SH2B1: variants seen among roughly 807,000 people sequenced by gnomAD.
SH2B1 encodes SH2B adapter protein 1.
A neutral mutation model predicts 62.6 loss-of-function variants in SH2B1; 15 were observed. The observed-to-expected ratio is 0.24, with a 90% CI of 0.16 to 0.37. The LOEUF (loss-of-function observed/expected upper bound fraction) is 0.37, where lower values mean the gene tolerates loss of function less well. Among genes scored for constraint, SH2B1 ranks in the 10% least tolerant of loss-of-function variants. The pLI is 1.00. For synonymous variants in SH2B1, 443 were observed against 438.0 expected (o/e 1.01, Z -0.14); for missense variants, 925 against 1,015.6 (o/e 0.91, Z 1.21).
rs918831421 is a variant in SH2B1, at chr16:28,864,057, G to A, written c.-2038G>A. 7.3e-7 allele frequency: 1 copy of A among 1,366,676 alleles called. No homozygotes were observed. Among genetic ancestry groups the A allele is most frequent in the African/African-American group, 1.5e-5 (1 of 67,514 alleles). The allele number at this position is 1,366,676 out of a possible 1,614,324, so 84.7% of individuals were successfully genotyped here. A position where few individuals can be genotyped will look rare whatever the true frequency, so the allele number is the denominator to read the frequency against. ...GGGTGGGCGTGGAGGGCCGGGGGCTGGAGAGGCACTCGGCCCCGGAGAGTG... is the reference window on the plus strand; with the variant it reads ...GGGTGGGCGTGGAGGGCCGGGGGCTAGAGAGGCACTCGGCCCCGGAGAGTG... On this transcript the variant is annotated 5_prime_UTR_variant, in exon 1 of 8. Transcript: ENST00000684370.
rs1962554972 is a variant in SH2B1, at chr16:28,864,139, G to A, written c.-1956G>A. ...GGCCCCGGAAAATGGGCGGCTGGGG[G>A]GTGTCCAGGGAGTAGGGTCGGATCG... On this transcript the variant is annotated 5_prime_UTR_variant, in exon 1 of 8. Transcript: ENST00000684370. The A allele has an allele frequency of 1.7e-6, 2 of 1,189,780 alleles. No homozygotes were observed. Among genetic ancestry groups the A allele is most frequent in the Admixed American group, 8.2e-5 (2 of 24,370 alleles). The allele number at this position is 1,189,780 out of a possible 1,614,324, so 73.7% of individuals were successfully genotyped here.
chr16:28,857,280 C>CA (rs35671502), intron 1 of SH2B1, among the ~76,000 whole-genome samples: 135 of 108,454 alleles, frequency 1.2e-3, no homozygotes, highest in Admixed American at 2.4e-3. Context: ...GACTCTGTCT[C>CA]AAAAAAAAAA....
chr16:28,852,223 T>A (rs113521560), intron 1 of SH2B1, among the ~76,000 whole-genome samples: 1 of 91,594 alleles, frequency 1.1e-5, no homozygotes, highest in Non-Finnish European at 2.1e-5. Context: ...TATATTTACA[T>A]ATATATTTAC....
At chr16:28,867,842 C>G (rs1325020574) in intron 2 of SH2B1, among the ~76,000 whole-genome samples, 1 of 152,156 alleles carries the variant, frequency 6.6e-6, no homozygotes, top group Non-Finnish European at 1.5e-5. Context: ...TACTTACTTA[C>G]ATTTGAGATA....
In SH2B1 at chr16:28,866,230, C is replaced by T. The variant is rs1458396328; in HGVS notation, c.136C>T (p.Arg46Cys). 4 of 1,608,162 alleles carry T rather than the reference C, an allele frequency of 2.5e-6. No homozygotes were observed. The highest frequency in any genetic ancestry group is 3.4e-6 in the Non-Finnish European group (4 of 1,178,164). The change falls in exon 1 of 8, where the codon CGC (arginine) becomes TGC (cysteine). Residue 46 changes from arginine to cysteine, a missense_variant. By Grantham distance (180) the Arg-to-Cys change is radical. Transcript: ENST00000684370. The surrounding 1 kb of genome is among the most constrained non-coding windows in gnomAD (Gnocchi z 6.3). Reference sequence around the variant, plus strand: ...GGCTCTGGACTTTGCCCGCCGTTTTCGCCTCTACCTGGCCTCCCACCCCCA... The same window carrying T: ...GGCTCTGGACTTTGCCCGCCGTTTTTGCCTCTACCTGGCCTCCCACCCCCA... The part of the protein sequence containing the change: ...AAALDFARRF[R>C]LYLASHPQYA...
rs779537768 is a variant in SH2B1, at chr16:28,866,534, C to G, written c.440C>G (p.Pro147Arg). The G allele has an allele frequency of 3.1e-6, 5 of 1,614,060 alleles. No homozygotes were observed. Among genetic ancestry groups the G allele is most frequent in the Non-Finnish European group, 4.2e-6 (5 of 1,180,030 alleles). The part of the protein sequence containing the change: ...VSSSSTTSSK[P>R]KLKKRFSLRS... ...TCCTCCTCTACAACCTCCTCCAAGC[C>G]GAAGCTCAAGAAGCGCTTTTCCCTG... The change falls in exon 1 of 8, where the codon CCG becomes CGG. Residue 147 changes from proline (P) to arginine (R), a missense_variant. Physicochemically the swap from Pro to Arg is moderately radical, Grantham distance 103 (BLOSUM62 -2). Around this residue, in one of 3 missense-constraint regions of SH2B1, gnomAD observed 683 missense variants for 704.0 expected, o/e 0.97. Transcript: ENST00000684370. The surrounding 1 kb of genome is among the most constrained non-coding windows in gnomAD (Gnocchi z 6.3).
intron 1 of SH2B1, among the ~76,000 whole-genome samples, chr16:28,853,425 G>C (rs377254317): frequency 6.7e-6 from 1 of 149,582 alleles, no homozygotes; most frequent in South Asian, 2.1e-4. Context: ...GGCTGGTCTC[G>C]AACTCCTGAC....
In SH2B1 at chr16:28,872,652, G is replaced by A; in HGVS notation, c.1844G>A (p.Gly615Asp). 1 of 1,614,148 alleles carries A rather than the reference G, an allele frequency of 6.2e-7. No individual in the cohort carries two copies. Among genetic ancestry groups the A allele is most frequent in the Non-Finnish European group, 8.5e-7 (1 of 1,179,990 alleles). ...RVHPIPLESG[G>D]SSDVVLVSYV... ...CACCCCATCCCTTTGGAGTCGGGAGGCTCCAGTGATGTTGTCCTTGTCAGC... is the reference window on the plus strand; with the variant it reads ...CACCCCATCCCTTTGGAGTCGGGAGACTCCAGTGATGTTGTCCTTGTCAGC... Residue 615 changes from glycine (G) to aspartate (D), a missense_variant, in exon 7 of 8, where the codon GGC becomes GAC. By Grantham distance (94) the Gly-to-Asp change is moderately conservative. This residue lies in a region of SH2B1 where 185 missense variants were observed against 189.5 expected (regional missense o/e 0.98). Coordinates refer to ENST00000684370, the MANE Select transcript of SH2B1 (RefSeq NM_001387430.1). This position sits in a 1 kb window ranked among gnomAD's most constrained non-coding sequence, Gnocchi z 5.3.
intron 4 of SH2B1, among the ~76,000 whole-genome samples, chr16:28,870,625 A>G (rs1468354602): frequency 6.6e-6 from 1 of 150,812 alleles, no homozygotes; most frequent in African/African-American, 2.5e-5. Context: ...ATAGTTCAAC[A>G]AAGGACACCT....
Position 28,863,916 on chromosome 16 carries a change from C to CCGG in SH2B1, c.-2178_-2176dup. 6.9e-7 allele frequency: 1 copy of CCGG among 1,440,000 alleles called. No individual in the cohort carries two copies. Among genetic ancestry groups the CCGG allele is most frequent in the African/African-American group, 1.4e-5 (1 of 69,090 alleles). The allele number at this position is 1,440,000 out of a possible 1,614,324, so 89.2% of individuals were successfully genotyped here. On this transcript the variant is annotated 5_prime_UTR_variant, in exon 1 of 8. Coordinates refer to ENST00000684370, the MANE Select transcript of SH2B1 (RefSeq NM_001387430.1). ...GGAGCCGCCGCCGCCGCCGCCGCCG[C>CCGG]CGGAGCTAACCTCGGGGACCGAGAT...
At chr16:28,861,740 A>T (rs1325130225), upstream of SH2B1, 3 of 152,214 alleles carry the variant, frequency 2.0e-5, no homozygotes, top group Admixed American at 6.5e-5. Flanking sequence ...GGCCTTGAAC[A>T]TTCTTAGGTG....
chr16:28,867,226 G>T, intron 1 of SH2B1, 105 bp from the exon 2 acceptor site: 3 of 1,238,890 alleles, frequency 2.4e-6, no homozygotes, highest in Non-Finnish European at 3.5e-6. Context: ...ACTGCCTTTT[G>T]TCTAACTTCC....
rs1963187997 is a variant in SH2B1 at position 28,873,851 on chromosome 16, C to A, written c.*31C>A. On this transcript the variant is annotated 3_prime_UTR_variant, in exon 8 of 8. Coordinates refer to ENST00000684370, the MANE Select transcript of SH2B1 (RefSeq NM_001387430.1). This position sits in a 1 kb window ranked among gnomAD's most constrained non-coding sequence, Gnocchi z 4.2. The stretch of plus-strand genomic sequence containing the variant: ...CCCCACCCGCTCCACCCTTTTTAAA[C>A]CCCCCAGCCCTGCTCGTGAGATTGG... The A allele has an allele frequency of 2.9e-6, 4 of 1,400,636 alleles. No homozygotes were observed. Among genetic ancestry groups the A allele is most frequent in the East Asian group, 2.7e-5 (1 of 36,480 alleles). 86.8% of individuals were successfully genotyped at this position (1,400,636 alleles called of 1,614,324 possible).
rs1196188850 is a variant in SH2B1, at chr16:28,852,692, TTATA to T, written c.-301+5872_-301+5875del. Among the ~76,000 whole-genome samples the T allele has an allele frequency of 4.0e-5, 3 of 75,822 alleles. 1 individual carries two copies. The highest frequency in any genetic ancestry group is 3.4e-4 in the East Asian group (1 of 2,904). The allele number at this position is 75,822 out of a possible 152,430, so 49.7% of individuals were successfully genotyped here. A position where few individuals can be genotyped will look rare whatever the true frequency, so the allele number is the denominator to read the frequency against. ...TTTATATATATATTTACATATATAT[TTATA>T]TATATACATATATATTTACATATAT... On this transcript the variant is annotated intron_variant, in intron 1 of 10. Coordinates refer to the SH2B1 transcript ENST00000322610.
intron 1 of SH2B1, 55 bp from the exon 2 acceptor site, chr16:28,867,276 G>C (rs1330617749): frequency 2.1e-6 from 3 of 1,411,704 alleles, no homozygotes; most frequent in Non-Finnish European, 3.0e-6. Flanking sequence ...GGAGGGAGGG[G>C]AAGAGTGGTC....
At chr16:28,847,229 T>A (rs1961995168) in intron 1 of SH2B1, among the ~76,000 whole-genome samples, 1 of 152,116 alleles carries the variant, frequency 6.6e-6, no homozygotes, top group African/African-American at 2.4e-5. Flanking sequence ...TCTGTCGGTG[T>A]CCCCAGCACC....
At chr16:28,869,511 C>T (rs918649679) in intron 4 of SH2B1, 128 bp downstream of exon 4, 15 of 799,118 alleles carry the variant, frequency 1.9e-5, no homozygotes, top group Admixed American at 2.9e-5. Context: ...CCTACCCCAA[C>T]CCCACCAAAT....
In SH2B1 at chr16:28,852,724, TTA is replaced by T. The variant is rs1282820738; in HGVS notation, c.-301+5906_-301+5907del. ...TATACATATATATTTACATATATAT[TTA>T]TATATATACATATATATATTTACAT... On this transcript the variant is annotated intron_variant, in intron 1 of 10. Transcript: ENST00000322610. Among the ~76,000 whole-genome samples the T allele has an allele frequency of 5.2e-3, 364 of 69,556 alleles. 60 individuals carry two copies. Among genetic ancestry groups the T allele is most frequent in the African/African-American group, 0.015 (234 of 15,262 alleles). The allele number at this position is 69,556 out of a possible 152,430, so 45.6% of individuals were successfully genotyped here. A position where few individuals can be genotyped will look rare whatever the true frequency, so the allele number is the denominator to read the frequency against.
At position 28,866,664 on chromosome 16, in the gene SH2B1, C is replaced by T. The variant is rs778096173; in HGVS notation, c.570C>T (p.Gly190=). The T allele has an allele frequency of 6.2e-7, 1 of 1,609,164 alleles. No individual in the cohort carries two copies. The highest frequency in any genetic ancestry group is 8.5e-7 in the Non-Finnish European group (1 of 1,177,374). ...SSAGPLETSS[G]PPVLGGNSNS... ...CTGGGCCCCTGGAGACCTCGTCAGGCCCCCCAGTCTTAGGTGGAAACAGCA... is the reference window on the plus strand; with the variant it reads ...CTGGGCCCCTGGAGACCTCGTCAGGTCCCCCAGTCTTAGGTGGAAACAGCA... The change falls in exon 1 of 8, where the codon GGC becomes GGT. Residue 190 remains glycine, a synonymous_variant. Transcript: ENST00000684370. The surrounding 1 kb of genome is among the most constrained non-coding windows in gnomAD (Gnocchi z 6.3).
Sources: allele counts gnomAD v4.1 joint callset (sites outside exome capture counted in the v4.1 genomes callset), GRCh38; gene constraint gnomAD v4.1.1; regional missense constraint gnomAD v4.1.1; non-coding constraint Gnocchi (gnomAD v3.1); transcripts MANE v1.5; gene names NCBI Gene and HGNC (gene_info 2026-07-23, HGNC 2026-07-21).